Variants in OXR1 observed in about 807,000 individuals in gnomAD.
OXR1 encodes oxidation resistance protein 1.
Under a neutral mutation model 104.6 loss-of-function variants are expected in OXR1, and 41 were observed. That is an observed-to-expected ratio of 0.39 (90% CI 0.31 to 0.51). The LOEUF is 0.51. Among genes scored for constraint, OXR1 ranks in the 20% least tolerant of loss-of-function variants. The probability of loss-of-function intolerance (pLI) is 0.77; values close to 1 mark genes in which losing one functional copy is unlikely to be tolerated. For missense variants in OXR1, 955 were observed against 1,031.9 expected, an observed-to-expected ratio of 0.93 and a Z score of 1.02; for synonymous variants, 348 against 348.4, an observed-to-expected ratio of 1.00 and a Z score of 0.01.
chr8:106,426,968 G>C (rs772078204), intron 2 of OXR1, among the ~76,000 whole-genome samples: 1 of 151,996 alleles, frequency 6.6e-6, no homozygotes, highest in Non-Finnish European at 1.5e-5. Flanking sequence ...GTTAAAAATG[G>C]TAAGAAATGG....
chr8:106,704,390 CTTCTTTTTTTTTTTTTT>C (rs1458092285), intron 8 of OXR1, among the ~76,000 whole-genome samples: 10 of 75,820 alleles, frequency 1.3e-4, no homozygotes, highest in Middle Eastern at 7.4e-3. Flanking sequence ...TTTCTTTCTT[CTTCTTTTTTTTTTTTTT>C]TTTTTTTTTT....
chr8:106,442,142 G>A (rs879154632), intron 2 of OXR1, among the ~76,000 whole-genome samples: 3 of 151,990 alleles, frequency 2.0e-5, no homozygotes, highest in Non-Finnish European at 4.4e-5. Context: ...GAATTTTATC[G>A]AAGCCTTTTT....
At chr8:106,735,314 A>G (rs1459020397) in intron 11 of OXR1, among the ~76,000 whole-genome samples, 2 of 152,046 alleles carry the variant, frequency 1.3e-5, no homozygotes, top group African/African-American at 2.4e-5. Flanking sequence ...AGAAAAAAAT[A>G]TAATTGAAAA....
intron 2 of OXR1, among the ~76,000 whole-genome samples, chr8:106,466,437 T>C (rs1337435934): frequency 6.6e-6 from 1 of 151,884 alleles, no homozygotes; most frequent in African/African-American, 2.4e-5. Context: ...TAAACTAGTG[T>C]AGTTTGATCA....
At chr8:106,552,809 G>A (rs1044322184) in intron 3 of OXR1, among the ~76,000 whole-genome samples, 1 of 152,124 alleles carries the variant, frequency 6.6e-6, no homozygotes, top group African/African-American at 2.4e-5. Flanking sequence ...TCATTTGTAT[G>A]AATATTTCAT....
At chr8:106,463,114 A>G (rs1820996842) in intron 2 of OXR1, among the ~76,000 whole-genome samples, 1 of 152,056 alleles carries the variant, frequency 6.6e-6, no homozygotes, top group East Asian at 1.9e-4. Context: ...CCCATATTTT[A>G]TACACTTTGG....
At chr8:106,272,808 CATT>C (rs1563687788) in intron 1 of OXR1, 1 of 152,006 alleles carries the variant, frequency 6.6e-6, no homozygotes. Flanking sequence ...TTTTTTCAGT[CATT>C]ATTATAAATC....
intron 2 of OXR1, among the ~76,000 whole-genome samples, chr8:106,508,252 A>G (rs1315951598): frequency 6.6e-6 from 1 of 152,226 alleles, no homozygotes; most frequent in African/African-American, 2.4e-5. Context: ...CTTCTGTAAT[A>G]GAAAGAAAAG....
chr8:106,539,357 T>C (rs897213541), intron 3 of OXR1, among the ~76,000 whole-genome samples: 1 of 152,246 alleles, frequency 6.6e-6, no homozygotes, highest in Non-Finnish European at 1.5e-5. Context: ...CGTTCCATAT[T>C]GTCAAGGTTT....
chr8:106,696,852 GA>G lies in OXR1; in HGVS notation c.675+3977del, dbSNP rs1210165709. Among the ~76,000 whole-genome samples, 4 of 152,148 alleles carry G rather than the reference GA, an allele frequency of 2.6e-5. No homozygotes were observed. The East Asian group carries it at 7.7e-4, about 29-fold the overall frequency. On this transcript the variant is annotated intron_variant, in intron 7 of 16. Transcript: ENST00000517566. ...CCCCACCCCTTAGCCACAGTGAAGG[GA>G]ATGGAAAATGAGAAGCCATGAGGGC...
At chr8:106,366,573 TA>T (rs1816477432) in intron 2 of OXR1, among the ~76,000 whole-genome samples, 1 of 152,162 alleles carries the variant, frequency 6.6e-6, no homozygotes, top group South Asian at 2.1e-4. Context: ...GTTATCCTAG[TA>T]AAAAAAATAA....
chr8:106,658,262 G>A (rs1825357357), intron 3 of OXR1: 1 of 1,225,028 alleles, frequency 8.2e-7, no homozygotes, highest in Non-Finnish European at 1.0e-6. Context: ...TCGTGGCGCC[G>A]GGCGGGGGTC....
At chr8:106,607,909 G>C (rs764095157) in intron 3 of OXR1, among the ~76,000 whole-genome samples, 1 of 151,900 alleles carries the variant, frequency 6.6e-6, no homozygotes, top group Non-Finnish European at 1.5e-5. Flanking sequence ...TTCAGACTCG[G>C]CTGTGTCTTT....
intron 2 of OXR1, among the ~76,000 whole-genome samples, chr8:106,439,356 C>G (rs1257437111): frequency 2.0e-5 from 3 of 152,026 alleles, no homozygotes; most frequent in Non-Finnish European, 4.4e-5. Context: ...AAAAACCTGA[C>G]CACACTGTTA....
intron 3 of OXR1, among the ~76,000 whole-genome samples, chr8:106,620,663 C>T (rs2130842994): frequency 6.6e-6 from 1 of 152,278 alleles, no homozygotes; most frequent in African/African-American, 2.4e-5. Flanking sequence ...GTTTTTAAAA[C>T]TGAAGACCCA....
intron 1 of OXR1, among the ~76,000 whole-genome samples, chr8:106,279,330 G>A (rs1221847195): frequency 2.0e-5 from 3 of 152,142 alleles, no homozygotes; most frequent in Non-Finnish European, 2.9e-5. Context: ...AATACCTAGA[G>A]AGAAATCATT....
chr8:106,430,148 A>T (rs1031907376), intron 2 of OXR1, among the ~76,000 whole-genome samples: 1 of 152,164 alleles, frequency 6.6e-6, no homozygotes, highest in African/African-American at 2.4e-5. Flanking sequence ...TGCAAAATGA[A>T]TGTATTTTTT....
chr8:106,566,456 A>G (rs757518298), intron 3 of OXR1, among the ~76,000 whole-genome samples: 9 of 152,202 alleles, frequency 5.9e-5, no homozygotes, highest in Non-Finnish European at 1.2e-4. Context: ...TGATCATTAA[A>G]AAGTCAGGAA....
At chr8:106,592,868 A>G (rs1442837654) in intron 3 of OXR1, among the ~76,000 whole-genome samples, 2 of 152,208 alleles carry the variant, frequency 1.3e-5, no homozygotes, top group African/African-American at 4.8e-5. Context: ...AACAGATGGT[A>G]GGATAAGAGT....
Sources: allele counts gnomAD v4.1 joint callset (sites outside exome capture counted in the v4.1 genomes callset), GRCh38; gene constraint gnomAD v4.1.1; transcripts MANE v1.5; gene names NCBI Gene and HGNC (gene_info 2026-07-23, HGNC 2026-07-21).